Variants in CALCR observed in about 807,000 individuals in gnomAD.
CALCR encodes calcitonin receptor.
Under a neutral mutation model 59.5 loss-of-function variants are expected in CALCR, and 47 were observed. The ratio of observed to expected loss-of-function variants is 0.79; its 90% CI spans 0.63 to 1.01. The LOEUF (loss-of-function observed/expected upper bound fraction) is 1.01. Ranked by LOEUF, CALCR falls within the 50% of genes least tolerant of loss-of-function variation. The pLI, the probability that CALCR is intolerant of heterozygous loss-of-function variation, is 0.00. For missense variants in CALCR, 566 were observed against 597.1 expected (o/e 0.95, Z 0.54); for synonymous variants, 213 against 211.3 (o/e 1.01, Z -0.07).
At position 93,478,628 on chromosome 7, in the gene CALCR, C is replaced by G. The variant is rs999206529; in HGVS notation, c.205+726G>C. Among the ~76,000 whole-genome samples the G allele has an allele frequency of 3.9e-5, 3 of 76,406 alleles. No homozygotes were observed. In the East Asian group the frequency reaches 1.1e-3, roughly 28 times the overall value. 50.1% of individuals were successfully genotyped at this position (76,406 alleles called of 152,430 possible). A position where few individuals can be genotyped will look rare whatever the true frequency, so the allele number is the denominator to read the frequency against. On this transcript the variant is annotated intron_variant, in intron 4 of 13. Transcript: ENST00000426151. ...TCGTCCTGGGCGAGAGAGTGAGACC[C>G]TGTCTTAAATATATATATATATATA...
At chr7:93,478,899 A>G (rs1800730628) in intron 4 of CALCR, among the ~76,000 whole-genome samples, 1 of 151,770 alleles carries the variant, frequency 6.6e-6, no homozygotes, top group Non-Finnish European at 1.5e-5. Flanking sequence ...TCTCCTGGAA[A>G]GTGGGGCCAG....
chr7:93,480,516 T>C lies in CALCR; in HGVS notation c.52-1009A>G, dbSNP rs569447742. The stretch of plus-strand genomic sequence containing the variant: ...TAAGATTGAAGTTTCTCCAATTGTA[T>C]TGATGGCAGAAGTGGTGTTATGTAC... On this transcript the variant is annotated intron_variant, in intron 3 of 13. Transcript: ENST00000426151. 1.5e-4 allele frequency among the ~76,000 whole-genome samples: 23 copies of C among 151,990 alleles called. No individual in the cohort carries two copies. In the South Asian group the frequency reaches 4.8e-3, roughly 31 times the overall value.
intron 2 of CALCR, among the ~76,000 whole-genome samples, chr7:93,515,723 T>C (rs974012928): frequency 1.8e-4 from 27 of 152,092 alleles, no homozygotes; most frequent in African/African-American, 6.3e-4. Context: ...TTCTTACCAA[T>C]GCACATTCAA....
At chr7:93,497,553 T>G (rs2115986010) in intron 2 of CALCR, among the ~76,000 whole-genome samples, 1 of 151,686 alleles carries the variant, frequency 6.6e-6, no homozygotes, top group East Asian at 1.9e-4. Flanking sequence ...AGTAGACAAA[T>G]CAGGTGTTCT....
intron 3 of CALCR, among the ~76,000 whole-genome samples, chr7:93,480,268 G>A (rs895020578): frequency 6.6e-6 from 1 of 151,828 alleles, no homozygotes; most frequent in Admixed American, 6.6e-5. Flanking sequence ...CTGTCACACT[G>A]TTCTTCCTAA....
At chr7:93,517,734 T>C (rs1451986941) in intron 2 of CALCR, among the ~76,000 whole-genome samples, 5 of 151,948 alleles carry the variant, frequency 3.3e-5, no homozygotes, top group African/African-American at 1.2e-4. Context: ...CATTGACCTC[T>C]TAGGATTTCT....
At position 93,469,237 on chromosome 7, in the gene CALCR, G is replaced by A. The variant is rs140914006; in HGVS notation, c.430-431C>T. 3.0e-3 allele frequency among the ~76,000 whole-genome samples: 452 copies of A among 151,746 alleles called. 1 individual carries two copies. The highest frequency in any genetic ancestry group is 1.0e-2 in the African/African-American group (413 of 41,468). On this transcript the variant is annotated intron_variant, in intron 6 of 13. Transcript: ENST00000426151. Reference sequence around the variant, plus strand: ...TACAGAGGGTCCAGAGAGTATGGTGGCAGGTTTCTGTGCCTTTGTTTAAAA... The same window carrying A: ...TACAGAGGGTCCAGAGAGTATGGTGACAGGTTTCTGTGCCTTTGTTTAAAA...
intron 3 of CALCR, chr7:93,484,127 G>C: frequency 3.1e-6 from 1 of 325,160 alleles, no homozygotes; most frequent in South Asian, 2.5e-5. Flanking sequence ...AAATTCAGCA[G>C]TGAACCAAAC....
At chr7:93,540,771 ATATAT>A (rs1789113977) in intron 2 of CALCR, among the ~76,000 whole-genome samples, 2 of 67,960 alleles carry the variant, frequency 2.9e-5, no homozygotes, top group Non-Finnish European at 4.1e-5. Context: ...TATTATATTT[ATATAT>A]TATATTTTAT....
intron 7 of CALCR, among the ~76,000 whole-genome samples, chr7:93,463,783 A>G (rs1055146130): frequency 6.6e-6 from 1 of 152,050 alleles, no homozygotes; most frequent in African/African-American, 2.4e-5. Context: ...AGAAGCCGAC[A>G]ACATTTTTTT....
chr7:93,496,165 C>G (rs1339803656), intron 2 of CALCR, among the ~76,000 whole-genome samples: 1 of 151,314 alleles, frequency 6.6e-6, no homozygotes, highest in African/African-American at 2.4e-5. Flanking sequence ...AAAGCATGTT[C>G]CATAGAAGAG....
At chr7:93,475,423 T>C (rs545886834) in intron 5 of CALCR, among the ~76,000 whole-genome samples, 2 of 151,734 alleles carry the variant, frequency 1.3e-5, no homozygotes, top group East Asian at 1.9e-4. Flanking sequence ...GCACAAAAAA[T>C]TGATGTTGAA....
rs545750471 is a variant in CALCR, at chr7:93,489,563, A to G, written c.-26-2556T>C. 2.8e-3 allele frequency among the ~76,000 whole-genome samples: 424 copies of G among 152,002 alleles called. 2 individuals are homozygous for G. The highest frequency in any genetic ancestry group is 4.0e-3 in the Non-Finnish European group (270 of 67,910). The stretch of plus-strand genomic sequence containing the variant: ...AAGAGAGAAGCACCAAATAGACACA[A>G]TAAAATATGAAAAAGGGGGTATCAT... On this transcript the variant is annotated intron_variant, in intron 2 of 13. Transcript: ENST00000426151.
Position 93,510,731 on chromosome 7 carries a change from A to G in CALCR, c.-26-23724T>C, listed in dbSNP as rs556727636. On this transcript the variant is annotated intron_variant, in intron 2 of 13. Coordinates refer to ENST00000426151, the MANE Select transcript of CALCR (RefSeq NM_001742.4). ...AAATAAAAGTTTTTTAAAATTAGCT[A>G]GGTGTCTGTAGTCCCAGCTACCGGA... Among the ~76,000 whole-genome samples, 4 of 152,016 alleles carry G rather than the reference A, an allele frequency of 2.6e-5. No homozygotes were observed. In the South Asian group the frequency reaches 6.3e-4, roughly 24 times the overall value.
intron 2 of CALCR, among the ~76,000 whole-genome samples, chr7:93,555,358 G>A (rs1789571862): frequency 6.6e-6 from 1 of 152,088 alleles, no homozygotes; most frequent in African/African-American, 2.4e-5. Flanking sequence ...CACTATGGAT[G>A]TGCTAGAAAA....
chr7:93,566,055 T>C (rs1789857740), intron 2 of CALCR, among the ~76,000 whole-genome samples: 2 of 152,082 alleles, frequency 1.3e-5, no homozygotes, highest in Non-Finnish European at 2.9e-5. Flanking sequence ...AGCTTTTCTT[T>C]AAAAATTATT....
intron 2 of CALCR, among the ~76,000 whole-genome samples, chr7:93,553,278 G>A (rs1228367650): frequency 6.6e-5 from 10 of 152,116 alleles, no homozygotes; most frequent in African/African-American, 2.2e-4. Flanking sequence ...GGAGATTTTG[G>A]TTCAATATGT....
At chr7:93,517,900 T>TTA (rs1801681694) in intron 2 of CALCR, among the ~76,000 whole-genome samples, 1 of 151,860 alleles carries the variant, frequency 6.6e-6, no homozygotes, top group Non-Finnish European at 1.5e-5. Context: ...TAGGAATTTA[T>TTA]TATAGGGAAA....
chr7:93,464,000 G>A (rs962791851), intron 7 of CALCR, among the ~76,000 whole-genome samples: 2 of 152,036 alleles, frequency 1.3e-5, no homozygotes, highest in African/African-American at 4.8e-5. Context: ...CAATCAAGGT[G>A]TCATTCAAAT....
Sources: allele counts gnomAD v4.1 joint callset (sites outside exome capture counted in the v4.1 genomes callset), GRCh38; gene constraint gnomAD v4.1.1; transcripts MANE v1.5; gene names NCBI Gene and HGNC (gene_info 2026-07-23, HGNC 2026-07-21).